The following PARP6 variants were observed in gnomAD, a reference collection of about 807,000 sequenced individuals.
PARP6 encodes protein mono-ADP-ribosyltransferase PARP6.
PARP6 carries 27 observed loss-of-function variants against 92.0 expected under a neutral mutation model. That is an observed-to-expected ratio of 0.29 (90% confidence interval 0.22 to 0.40). The LOEUF is 0.40. PARP6 is among the 10% of genes least tolerant of loss of function. PARP6 has a pLI of 1.00. For missense variants in PARP6, 501 were observed against 784.5 expected (o/e 0.64, Z 4.32); for synonymous variants, 272 against 281.2 (o/e 0.97, Z 0.33).
At position 72,264,552 on chromosome 15, in the gene PARP6, T is replaced by C. The variant is rs765247617; in HGVS notation, c.395+3A>G. 1 of 1,612,218 alleles carries C rather than the reference T, an allele frequency of 6.2e-7. No homozygotes were observed. The highest frequency in any genetic ancestry group is 1.7e-5 in the Admixed American group (1 of 59,984). ...CATGACCAGAAAAGACCAAAGTTCT[T>C]ACTTTTTCAACTGAAGACCCAGCCC... On this transcript the variant is annotated splice_donor_region_variant and intron_variant, in intron 8 of 23. Transcript: ENST00000569795.
chr15:72,261,550 G>T lies in PARP6; in HGVS notation c.545+8C>A. 6.2e-7 allele frequency: 1 copy of T among 1,613,558 alleles called. No homozygotes were observed. Among genetic ancestry groups the T allele is most frequent in the Non-Finnish European group, 8.5e-7 (1 of 1,179,536 alleles). ...GTTTACAGATGATCAGCTTTAGGGA[G>T]CACTTACTTGGGGATGGGTGAAAAG... On this transcript the variant is annotated splice_region_variant and intron_variant, in intron 9 of 23. Transcript: ENST00000569795.
Position 72,241,427 on chromosome 15 carries a change from C to T in PARP6, c.*28G>A. 2 of 1,487,950 alleles carry T rather than the reference C, an allele frequency of 1.3e-6. No individual in the cohort carries two copies. The highest frequency in any genetic ancestry group is 1.9e-6 in the Non-Finnish European group (2 of 1,064,910). 92.2% of individuals were successfully genotyped at this position (1,487,950 alleles called of 1,614,324 possible). On this transcript the variant is annotated 3_prime_UTR_variant, in exon 24 of 24. Coordinates refer to ENST00000569795, the MANE Select transcript of PARP6 (RefSeq NM_001323532.2). This position sits in a 1 kb window ranked among gnomAD's most constrained non-coding sequence, Gnocchi z 4.1. ...TGAGGGCAGATGGATCCTGGGGTAA[C>T]AGGGGTGGTACGAGGGCTGGGGCCC...
Position 72,242,543 on chromosome 15 carries a change from C to A in PARP6, c.1641+77G>T. 1 of 984,320 alleles carries A rather than the reference C, an allele frequency of 1.0e-6. No homozygotes were observed. The highest frequency in any genetic ancestry group is 1.3e-5 in the South Asian group (1 of 78,430). The allele number at this position is 984,320 out of a possible 1,614,324, so 61.0% of individuals were successfully genotyped here. A position where few individuals can be genotyped will look rare whatever the true frequency, so the allele number is the denominator to read the frequency against. ...ATCACTCCCCAACCCATTCTCACCC[C>A]ACTGTTTCCCTGTCCAGCTCTGGAG... On this transcript the variant is annotated intron_variant, in intron 21 of 23. Transcript: ENST00000569795. This position sits in a 1 kb window ranked among gnomAD's most constrained non-coding sequence, Gnocchi z 4.3.
At chr15:72,243,324 A>G (rs912578182) in intron 20 of PARP6, 2 of 152,180 alleles carry the variant, frequency 1.3e-5, no homozygotes, top group African/African-American at 4.8e-5. Flanking sequence ...AAGTGCCTGG[A>G]TGAGTAAAAT....
At chr15:72,260,306 C>T (rs554340509) in intron 10 of PARP6, among the ~76,000 whole-genome samples, 172 bp downstream of exon 10, 2 of 152,176 alleles carry the variant, frequency 1.3e-5, no homozygotes, top group East Asian at 3.9e-4. Context: ...CAGAGTGAGA[C>T]CCTGTCTCAA....
chr15:72,255,784 CTTTTTTTTTTTTTTTT>C (rs67560148), intron 14 of PARP6, among the ~76,000 whole-genome samples: 25 of 92,864 alleles, frequency 2.7e-4, no homozygotes, highest in East Asian at 3.3e-4. Flanking sequence ...TTACTTCTCT[CTTTTTTTTTTTTTTTT>C]TTTTTTTTTT....
At chr15:72,267,297 A>G in intron 3 of PARP6, 178 bp downstream of exon 3, 1 of 656,272 alleles carries the variant, frequency 1.5e-6, no homozygotes, top group Non-Finnish European at 2.7e-6. Flanking sequence ...AAGAAAACCC[A>G]CTACACAAAC....
intron 20 of PARP6, among the ~76,000 whole-genome samples, chr15:72,246,011 T>C (rs1287821391): frequency 6.6e-6 from 1 of 152,008 alleles, no homozygotes; most frequent in Non-Finnish European, 1.5e-5. Context: ...TCCAGACAAA[T>C]CAAAAAGACT....
intron 10 of PARP6, among the ~76,000 whole-genome samples, chr15:72,260,255 T>C (rs1026530755): frequency 6.6e-6 from 1 of 152,050 alleles, no homozygotes; most frequent in African/African-American, 2.4e-5. Context: ...AGGCAGCAAC[T>C]GCAATGAGCA....
At chr15:72,253,394 T>C in intron 16 of PARP6, 43 bp downstream of exon 16, 1 of 1,484,366 alleles carries the variant, frequency 6.7e-7, no homozygotes, top group East Asian at 2.3e-5. Context: ...AATAACTCCC[T>C]CCCTCCCCAT....
chr15:72,267,944 G>T (rs1307162898), intron 2 of PARP6, among the ~76,000 whole-genome samples: 1 of 152,148 alleles, frequency 6.6e-6, no homozygotes, highest in Non-Finnish European at 1.5e-5. Context: ...TAGAGATGGG[G>T]TTTCACCACA....
Position 72,260,487 on chromosome 15 carries a change from G to A in PARP6, c.747C>T (p.Thr249=). ...QHVGLPPPAR[T]SPLVSGHCKN... ...TCCCCAGCCCATGTACCAAAGGAGA[G>A]GTCCGTGCTGGGGGAGGGAGGCCCA... Residue 249 remains threonine, a synonymous_variant, in exon 10 of 24, where the codon ACC becomes ACT. Coordinates refer to ENST00000569795, the MANE Select transcript of PARP6 (RefSeq NM_001323532.2). 1 of 1,613,626 alleles carries A rather than the reference G, an allele frequency of 6.2e-7. No individual in the cohort carries two copies. The highest frequency in any genetic ancestry group is 8.5e-7 in the Non-Finnish European group (1 of 1,179,518).
At chr15:72,256,057 A>T (rs1244469382) in intron 14 of PARP6, among the ~76,000 whole-genome samples, 2 of 151,406 alleles carry the variant, frequency 1.3e-5, no homozygotes, top group Non-Finnish European at 2.9e-5. Flanking sequence ...TCAGCCTCCC[A>T]AAGTGCTGGG....
intron 16 of PARP6, among the ~76,000 whole-genome samples, chr15:72,253,109 A>T (rs2084596515): frequency 6.6e-6 from 1 of 151,910 alleles, no homozygotes; most frequent in Admixed American, 6.5e-5. Flanking sequence ...CTGAAGGGCA[A>T]GGCTACAGTG....
At chr15:72,266,552 A>C (rs1294709291) in intron 4 of PARP6, among the ~76,000 whole-genome samples, 193 bp downstream of exon 4, 1 of 152,162 alleles carries the variant, frequency 6.6e-6, no homozygotes, top group Non-Finnish European at 1.5e-5. Flanking sequence ...GATGTAGTTT[A>C]CTCTGGAACA....
At chr15:72,243,442 A>C (rs1341991391) in intron 20 of PARP6, 5 of 152,236 alleles carry the variant, frequency 3.3e-5, no homozygotes, top group Non-Finnish European at 5.9e-5. Context: ...TAAGTGATGA[A>C]TAATTTTGTA....
In PARP6 at chr15:72,241,660, G is replaced by T; in HGVS notation, c.1791-103C>A. ...AAGGTATGGCCATCCCATCCCAGAA[G>T]TCAAAGCCCTTTCTCACTGCTTCAT... On this transcript the variant is annotated intron_variant, in intron 23 of 23. Transcript: ENST00000569795. The surrounding 1 kb of genome is among the most constrained non-coding windows in gnomAD (Gnocchi z 4.1). 1.1e-6 allele frequency: 1 copy of T among 938,662 alleles called. No individual in the cohort carries two copies. Among genetic ancestry groups the T allele is most frequent in the Non-Finnish European group, 1.7e-6 (1 of 590,758 alleles). The allele number at this position is 938,662 out of a possible 1,614,324, so 58.1% of individuals were successfully genotyped here. A position where few individuals can be genotyped will look rare whatever the true frequency, so the allele number is the denominator to read the frequency against.
chr15:72,256,621 A>C (rs1308173370), intron 13 of PARP6, 31 bp from the exon 14 acceptor site: 1 of 1,481,920 alleles, frequency 6.7e-7, no homozygotes, highest in Non-Finnish European at 9.0e-7. Flanking sequence ...ACAGGGCAGA[A>C]GCTAAATGAT....
At chr15:72,263,244 T>A (rs74025248) in intron 8 of PARP6, among the ~76,000 whole-genome samples, 2 of 152,350 alleles carry the variant, frequency 1.3e-5, no homozygotes, top group African/African-American at 4.8e-5. Context: ...TATGGCTATA[T>A]TCAATATATC....
Sources: gnomAD v4.1 joint callset for allele counts (sites outside exome capture counted in the v4.1 genomes callset) on GRCh38, gnomAD v4.1.1 for gene constraint, Gnocchi (gnomAD v3.1) non-coding constraint, MANE v1.5 for transcripts, NCBI Gene and HGNC (gene_info 2026-07-23, HGNC 2026-07-21) for gene names.